Variants in CACNA2D3 observed in about 807,000 individuals in gnomAD.
CACNA2D3 encodes voltage-dependent calcium channel subunit alpha-2/delta-3.
In CACNA2D3, 60 loss-of-function variants were observed where a neutral mutation model predicts 160.6. The observed-to-expected ratio is 0.37, with a 90% CI of 0.30 to 0.46. The LOEUF is 0.46. Ranked by LOEUF, CACNA2D3 falls within the 20% of genes least tolerant of loss-of-function variation. The pLI, the probability that CACNA2D3 is intolerant of heterozygous loss-of-function variation, is 1.00. For synonymous variants in CACNA2D3, 558 were observed against 492.9 expected, an observed-to-expected ratio of 1.13 and a Z score of -1.75; for missense variants, 1,205 against 1,365.0, an observed-to-expected ratio of 0.88 and a Z score of 1.85.
chr3:54,480,177 C>T (rs1223714225), intron 4 of CACNA2D3, among the ~76,000 whole-genome samples: 2 of 151,780 alleles, frequency 1.3e-5, no homozygotes, highest in African/African-American at 4.8e-5. Flanking sequence ...GACCCTGTCT[C>T]TACAAAAAAA....
chr3:54,297,778 G>T (rs1267080888), intron 2 of CACNA2D3, among the ~76,000 whole-genome samples: 6 of 151,292 alleles, frequency 4.0e-5, no homozygotes, highest in Non-Finnish European at 8.8e-5. Flanking sequence ...ACCTCCCTAG[G>T]CAGGAATTCT....
intron 27 of CACNA2D3, among the ~76,000 whole-genome samples, chr3:54,962,332 A>G (rs1216922816): frequency 6.6e-6 from 1 of 152,158 alleles, no homozygotes; most frequent in Non-Finnish European, 1.5e-5. Context: ...CACTGATATA[A>G]CACTCTAAGG....
intron 2 of CACNA2D3, among the ~76,000 whole-genome samples, chr3:54,299,072 G>A (rs1396059377): frequency 1.3e-5 from 2 of 151,544 alleles, no homozygotes; most frequent in Admixed American, 6.6e-5. Context: ...GGGCCAGTTC[G>A]TAGCCTCTGC....
intron 16 of CACNA2D3, among the ~76,000 whole-genome samples, chr3:54,844,301 C>A (rs139385510): frequency 1.5e-4 from 23 of 152,030 alleles, no homozygotes; most frequent in African/African-American, 4.8e-4. Context: ...CCCTGGCAAC[C>A]GTAGAGAAAG....
intron 27 of CACNA2D3, among the ~76,000 whole-genome samples, chr3:54,954,015 A>G (rs1406296474): frequency 6.6e-6 from 1 of 152,218 alleles, no homozygotes; most frequent in Non-Finnish European, 1.5e-5. Flanking sequence ...ATTTGAATTC[A>G]ACCTAATTTC....
chr3:54,965,871 G>A (rs1158999613), intron 27 of CACNA2D3, among the ~76,000 whole-genome samples: 1 of 152,066 alleles, frequency 6.6e-6, no homozygotes, highest in Non-Finnish European at 1.5e-5. Flanking sequence ...GAGGAGAGAG[G>A]GAAGCAGTTC....
intron 4 of CACNA2D3, among the ~76,000 whole-genome samples, chr3:54,463,145 G>A (rs189484451): frequency 4.6e-5 from 7 of 152,022 alleles, no homozygotes; most frequent in Admixed American, 2.0e-4. Flanking sequence ...CGAGAGATCC[G>A]CTGTTAGTCT....
rs150219455 is a variant in CACNA2D3, at chr3:54,562,518, A to G, written c.545-282A>G. ...TAAAGAGGATTATGTGATTTTCTCT[A>G]TGGGATATGTGATATTGAAAGGTAC... On this transcript the variant is annotated intron_variant, in intron 5 of 37. Coordinates refer to ENST00000474759, the MANE Select transcript of CACNA2D3 (RefSeq NM_018398.3). Among the ~76,000 whole-genome samples the G allele has an allele frequency of 9.2e-4, 140 of 152,284 alleles. 1 individual carries two copies. Among genetic ancestry groups the G allele is most frequent in the African/African-American group, 3.2e-3 (133 of 41,558 alleles).
rs1472289710 is a variant in CACNA2D3, at chr3:54,646,240, T to C, written c.1167+3999T>C. Among the ~76,000 whole-genome samples the C allele has an allele frequency of 1.2e-4, 16 of 134,904 alleles. No individual in the cohort carries two copies. The Admixed American group carries it at 1.2e-3, about 10-fold the overall frequency. 88.5% of individuals were successfully genotyped at this position (134,904 alleles called of 152,430 possible). A position where few individuals can be genotyped will look rare whatever the true frequency, so the allele number is the denominator to read the frequency against. On this transcript the variant is annotated intron_variant, in intron 11 of 37. Coordinates refer to ENST00000474759, the MANE Select transcript of CACNA2D3 (RefSeq NM_018398.3). ...CTTCCTTCCTTCCTTCCTTCCTTCC[T>C]TCCTTCCTCTCTCTCTCTCAATCTT...
intron 12 of CACNA2D3, among the ~76,000 whole-genome samples, chr3:54,755,672 C>G (rs1393578455): frequency 6.6e-6 from 1 of 152,074 alleles, no homozygotes; most frequent in African/African-American, 2.4e-5. Flanking sequence ...CGAGTAGATC[C>G]CAGATTTCCT....
chr3:54,209,388 A>T (rs1452533977), intron 2 of CACNA2D3, among the ~76,000 whole-genome samples: 1 of 152,146 alleles, frequency 6.6e-6, no homozygotes, highest in Non-Finnish European at 1.5e-5. Context: ...CTCACACTCT[A>T]ACTGGGGCTG....
At chr3:54,235,232 G>C (rs72976265) in intron 2 of CACNA2D3, among the ~76,000 whole-genome samples, 8,586 of 152,144 alleles carry the variant, frequency 0.056, 762 homozygotes, top group African/African-American at 0.19. Flanking sequence ...CAACTGAGAA[G>C]GATCCTGTAT....
At chr3:54,798,284 C>T (rs1231171642) in intron 13 of CACNA2D3, among the ~76,000 whole-genome samples, 1 of 152,134 alleles carries the variant, frequency 6.6e-6, no homozygotes. Context: ...CCTGTAATCC[C>T]AGCACTTTGG....
intron 9 of CACNA2D3, among the ~76,000 whole-genome samples, chr3:54,599,489 A>G (rs1703024061): frequency 6.6e-6 from 1 of 152,162 alleles, no homozygotes; most frequent in African/African-American, 2.4e-5. Flanking sequence ...ATTAACCCAC[A>G]TGCTCCCCAA....
intron 3 of CACNA2D3, among the ~76,000 whole-genome samples, chr3:54,380,223 G>A (rs776523634): frequency 2.0e-5 from 3 of 152,202 alleles, no homozygotes; most frequent in Non-Finnish European, 2.9e-5. Flanking sequence ...ATCTTTTGAT[G>A]TGCTCAGTGC....
chr3:54,321,973 G>A (rs1017750718), intron 3 of CACNA2D3, among the ~76,000 whole-genome samples: 10 of 151,838 alleles, frequency 6.6e-5, no homozygotes, highest in Non-Finnish European at 1.5e-4. Flanking sequence ...TTGAGAGGGG[G>A]ACATATTATT....
chr3:54,444,884 G>T (rs6445663), intron 4 of CACNA2D3, among the ~76,000 whole-genome samples: 152,167 of 152,384 alleles, frequency 1, 75,976 homozygotes, highest in Middle Eastern at 1. Context: ...ATAAACATCC[G>T]CTTTCTTGGA....
At chr3:54,668,043 C>CGAAATTCA (rs1700099691) in intron 11 of CACNA2D3, among the ~76,000 whole-genome samples, 1 of 151,766 alleles carries the variant, frequency 6.6e-6, no homozygotes, top group Non-Finnish European at 1.5e-5. Flanking sequence ...TTTCTTATTC[C>CGAAATTCA]GAAATTCAGA....
At position 54,411,438 on chromosome 3, in the gene CACNA2D3, C is replaced by T. The variant is rs542837273; in HGVS notation, c.381+24664C>T. Among the ~76,000 whole-genome samples the T allele has an allele frequency of 2.6e-5, 4 of 152,298 alleles. No homozygotes were observed. The South Asian group carries it at 8.3e-4, about 32-fold the overall frequency. On this transcript the variant is annotated intron_variant, in intron 4 of 37. Coordinates refer to ENST00000474759, the MANE Select transcript of CACNA2D3 (RefSeq NM_018398.3). ...AGTCACTCCAACCTTTAGCAACCAT[C>T]ACCCTGATCAGTCAGCAGCCATCAA...
Sources: gnomAD v4.1 joint callset for allele counts (sites outside exome capture counted in the v4.1 genomes callset) on GRCh38, gnomAD v4.1.1 for gene constraint, MANE v1.5 for transcripts, NCBI Gene and HGNC (gene_info 2026-07-23, HGNC 2026-07-21) for gene names.